Variants in LRRC7 observed in about 807,000 individuals in gnomAD.
The protein encoded by LRRC7 is leucine-rich repeat-containing protein 7.
A neutral mutation model predicts 175.7 loss-of-function variants in LRRC7; 23 were observed. That is an observed-to-expected ratio of 0.13 (90% CI 0.09 to 0.19). The LOEUF is 0.19. Among genes scored for constraint, LRRC7 ranks in the 10% least tolerant of loss-of-function variants. The pLI, the probability that LRRC7 is intolerant of heterozygous loss-of-function variation, is 1.00. For missense variants in LRRC7, 1,354 were observed against 1,904.7 expected, an observed-to-expected ratio of 0.71 and a Z score of 5.38; for synonymous variants, 685 against 680.9, an observed-to-expected ratio of 1.01 and a Z score of -0.09.
intron 2 of LRRC7, among the ~76,000 whole-genome samples, chr1:69,723,993 G>A (rs563209503): frequency 6.6e-6 from 1 of 152,290 alleles, no homozygotes; most frequent in African/African-American, 2.4e-5. Flanking sequence ...TTCACTGCAA[G>A]TAGGACTCAA....
intron 2 of LRRC7, among the ~76,000 whole-genome samples, chr1:69,698,866 G>T (rs1411208812): frequency 1.3e-5 from 2 of 152,142 alleles, no homozygotes; most frequent in East Asian, 3.9e-4. Flanking sequence ...CAATGCTTTA[G>T]TCTTCATTCA....
At chr1:69,881,508 C>T (rs904781366) in intron 7 of LRRC7, among the ~76,000 whole-genome samples, 75 of 152,004 alleles carry the variant, frequency 4.9e-4, no homozygotes, top group African/African-American at 1.7e-3. Context: ...ACACCAAAAG[C>T]TCAGGCAACA....
At chr1:70,045,541 A>G (rs1011626990) in intron 22 of LRRC7, among the ~76,000 whole-genome samples, 2 of 152,156 alleles carry the variant, frequency 1.3e-5, no homozygotes, top group African/African-American at 4.8e-5. Flanking sequence ...AAACAAAACC[A>G]GTTTTCAAAA....
At chr1:69,662,711 C>T (rs1281667998) in intron 1 of LRRC7, among the ~76,000 whole-genome samples, 1 of 152,130 alleles carries the variant, frequency 6.6e-6, no homozygotes, top group Non-Finnish European at 1.5e-5. Flanking sequence ...AATTGGGTAT[C>T]GATTATTTTT....
intron 8 of LRRC7, among the ~76,000 whole-genome samples, chr1:69,966,558 G>C (rs575252330): frequency 8.9e-4 from 136 of 152,210 alleles, no homozygotes; most frequent in Non-Finnish European, 1.8e-3. Context: ...CAAATAAATG[G>C]GTAGGAATAC....
chr1:69,633,877 A>T (rs1652908965), intron 1 of LRRC7, among the ~76,000 whole-genome samples: 1 of 151,974 alleles, frequency 6.6e-6, no homozygotes, highest in Non-Finnish European at 1.5e-5. Context: ...TTAATGTTTG[A>T]TTTCTTTTTT....
At chr1:69,969,536 G>T (rs1215750492) in intron 8 of LRRC7, among the ~76,000 whole-genome samples, 1 of 152,056 alleles carries the variant, frequency 6.6e-6, no homozygotes, top group African/African-American at 2.4e-5. Flanking sequence ...GAGAAAGAGG[G>T]TCATTATATA....
chr1:69,896,197 A>C (rs12037148), intron 7 of LRRC7, among the ~76,000 whole-genome samples: 6,539 of 152,168 alleles, frequency 0.043, 213 homozygotes, highest in East Asian at 0.15. Flanking sequence ...ACATATTTTC[A>C]GGGTACATGT....
At position 70,076,262 on chromosome 1, in the gene LRRC7, T is replaced by C; in HGVS notation, c.4416T>C (p.Thr1472=). 1 of 1,614,022 alleles carries C rather than the reference T, an allele frequency of 6.2e-7. No homozygotes were observed. Among genetic ancestry groups the C allele is most frequent in the South Asian group, 1.1e-5 (1 of 91,086 alleles). The change falls in exon 24 of 27, where the codon ACT becomes ACC. Residue 1472 remains threonine, a synonymous_variant. Transcript: ENST00000651989. The part of the protein sequence containing the change: ...GPQPGRCLIQ[T]KGQRSMDGYP... Reference sequence around the variant, plus strand: ...AGCCTGGACGGTGCTTAATTCAAACTAAAGGGCAAAGGAGTATGGATGGAT... The same window carrying C: ...AGCCTGGACGGTGCTTAATTCAAACCAAAGGGCAAAGGAGTATGGATGGAT...
chr1:69,790,218 C>T (rs536703516), intron 3 of LRRC7, among the ~76,000 whole-genome samples: 9 of 151,998 alleles, frequency 5.9e-5, no homozygotes, highest in Non-Finnish European at 1.3e-4. Context: ...TATTACGTAA[C>T]TTGCCCAAGA....
chr1:69,867,052 A>C (rs1385327166), intron 7 of LRRC7, among the ~76,000 whole-genome samples: 1 of 152,148 alleles, frequency 6.6e-6, no homozygotes, highest in Non-Finnish European at 1.5e-5. Context: ...TAAAATTATC[A>C]TACACCTCAA....
At chr1:69,729,970 C>A (rs958456109) in intron 2 of LRRC7, among the ~76,000 whole-genome samples, 1 of 152,220 alleles carries the variant, frequency 6.6e-6, no homozygotes, top group Non-Finnish European at 1.5e-5. Context: ...CTTCTAGGCA[C>A]CTGCAGGCTC....
At chr1:69,620,073 G>A (rs888279779) in intron 1 of LRRC7, among the ~76,000 whole-genome samples, 5 of 152,104 alleles carry the variant, frequency 3.3e-5, no homozygotes, top group Non-Finnish European at 5.9e-5. Context: ...CTTTCCCAAC[G>A]ATTTATCTGT....
At chr1:69,712,158 G>A (rs937667608) in intron 2 of LRRC7, among the ~76,000 whole-genome samples, 3 of 151,926 alleles carry the variant, frequency 2.0e-5, no homozygotes, top group African/African-American at 7.3e-5. Context: ...GTTTAAAATA[G>A]ACTTTAACCT....
chr1:69,921,959 C>T (rs1343916679), intron 7 of LRRC7, among the ~76,000 whole-genome samples: 1 of 152,146 alleles, frequency 6.6e-6, no homozygotes, highest in Non-Finnish European at 1.5e-5. Flanking sequence ...AATTCTCACT[C>T]TTGTCCCCCA....
chr1:70,032,449 C>G (rs921251217), intron 18 of LRRC7, among the ~76,000 whole-genome samples: 5 of 152,028 alleles, frequency 3.3e-5, no homozygotes, highest in African/African-American at 1.2e-4. Context: ...ATATACAGCT[C>G]CAAGCACAGT....
chr1:69,944,290 T>C (rs1649068503), intron 8 of LRRC7, among the ~76,000 whole-genome samples: 1 of 152,148 alleles, frequency 6.6e-6, no homozygotes, highest in Admixed American at 6.6e-5. Flanking sequence ...TCCATGTTTC[T>C]ACATGATAGG....
intron 2 of LRRC7, among the ~76,000 whole-genome samples, chr1:69,736,446 C>G (rs1026925040): frequency 2.0e-5 from 3 of 151,954 alleles, no homozygotes; most frequent in Non-Finnish European, 4.4e-5. Context: ...TTAACAGAAT[C>G]CAGTGGTATT....
intron 8 of LRRC7, among the ~76,000 whole-genome samples, chr1:69,939,520 G>A (rs1570737580): frequency 6.6e-6 from 1 of 152,162 alleles, no homozygotes; most frequent in East Asian, 1.9e-4. Context: ...TCAATTGTTA[G>A]AGCCTAACAT....
Sources: gnomAD v4.1 joint callset for allele counts (sites outside exome capture counted in the v4.1 genomes callset) on GRCh38, gnomAD v4.1.1 for gene constraint, MANE v1.5 for transcripts, NCBI Gene and HGNC (gene_info 2026-07-23, HGNC 2026-07-21) for gene names.